Variants in AKAP12 observed in about 807,000 individuals in gnomAD.
The protein encoded by AKAP12 is A-kinase anchoring protein 12, also known as A-kinase anchor protein 12.
Under a neutral mutation model 79.9 loss-of-function variants are expected in AKAP12, and 32 were observed. The observed-to-expected ratio is 0.40, with a 90% CI of 0.30 to 0.54. The LOEUF (loss-of-function observed/expected upper bound fraction) is 0.54. AKAP12 is among the 20% of genes least tolerant of loss of function. AKAP12 has a pLI of 0.48. For missense variants in AKAP12, 2,074 were observed against 2,177.0 expected (o/e 0.95, Z 0.94); for synonymous variants, 808 against 857.0 (o/e 0.94, Z 1.00).
In AKAP12 at chr6:151,305,799, A is replaced by G; in HGVS notation, c.215A>G (p.Asp72Gly). The change falls in exon 3 of 5, where the codon GAT becomes GGT. Residue 72 changes from aspartate (D) to glycine (G), a missense_variant. By Grantham distance (94) the Asp-to-Gly change is moderately conservative (BLOSUM62 -1). Around this residue, in one of 3 missense-constraint regions of AKAP12, gnomAD observed 1,428 missense variants for 1,451.0 expected, o/e 0.98. Coordinates refer to ENST00000402676, the MANE Select transcript of AKAP12 (RefSeq NM_005100.4). Reference protein sequence around the residue: ...LSTINGVAEQDELSLQEGDLN... With the variant: ...LSTINGVAEQGELSLQEGDLN... ...ACCATCAATGGCGTAGCTGAGCAAG[A>G]TGAGCTCAGCCTCCAGGAGGGTGAC... The G allele has an allele frequency of 1.2e-6, 2 of 1,614,074 alleles. No individual in the cohort carries two copies. Among genetic ancestry groups the G allele is most frequent in the Non-Finnish European group, 1.7e-6 (2 of 1,179,976 alleles).
chr6:151,272,496 T>TAGAC (rs1373141596), intron 2 of AKAP12, among the ~76,000 whole-genome samples: 1 of 135,132 alleles, frequency 7.4e-6, no homozygotes, highest in Non-Finnish European at 1.6e-5. Context: ...CATGAGATGA[T>TAGAC]AGATAGATAG....
chr6:151,336,068 T>C (rs757044398), intron 3 of AKAP12, among the ~76,000 whole-genome samples: 12 of 152,230 alleles, frequency 7.9e-5, no homozygotes, highest in Non-Finnish European at 1.5e-5. Context: ...GGCCTCCAGA[T>C]CCTTCCATGT....
At chr6:151,280,038 G>GT (rs67349756) in intron 2 of AKAP12, among the ~76,000 whole-genome samples, 52,614 of 145,718 alleles carry the variant, frequency 0.36, 10,374 homozygotes, top group Non-Finnish European at 0.47. Flanking sequence ...TTCGGTTGTT[G>GT]TTTTTTTTTT....
At chr6:151,278,553 G>A (rs1383670531) in intron 2 of AKAP12, among the ~76,000 whole-genome samples, 3 of 151,968 alleles carry the variant, frequency 2.0e-5, no homozygotes, top group Non-Finnish European at 4.4e-5. Flanking sequence ...TCATAGCATC[G>A]TAAATCCAGT....
intron 2 of AKAP12, among the ~76,000 whole-genome samples, chr6:151,270,963 C>G (rs918300076): frequency 1.1e-4 from 16 of 152,150 alleles, no homozygotes; most frequent in African/African-American, 3.6e-4. Context: ...AATAACAGTT[C>G]TTAGAGTTCT....
At chr6:151,324,398 G>T in intron 3 of AKAP12, 1 of 985,292 alleles carries the variant, frequency 1.0e-6, no homozygotes, top group Non-Finnish European at 1.2e-6. Context: ...CTCTGGGCCC[G>T]AGTGTGGTGC....
In AKAP12 at chr6:151,357,695, G is replaced by GATAT. The variant is rs200061567; in HGVS notation, c.*1991_*1994dup. 1 of 140,898 alleles carries GATAT rather than the reference G, an allele frequency of 7.1e-6. No homozygotes were observed. Among genetic ancestry groups the GATAT allele is most frequent in the Admixed American group, 7.6e-5 (1 of 13,196 alleles). The allele number at this position is 140,898 out of a possible 1,614,324, so 8.7% of individuals were successfully genotyped here. A position where few individuals can be genotyped will look rare whatever the true frequency, so the allele number is the denominator to read the frequency against. On this transcript the variant is annotated 3_prime_UTR_variant, in exon 5 of 5. Coordinates refer to ENST00000402676, the MANE Select transcript of AKAP12 (RefSeq NM_005100.4). The stretch of plus-strand genomic sequence containing the variant: ...AAATCCCCAAATTCAAAAAACCTCT[G>GATAT]ATATATATATATAATTTTTTTTTTT...
chr6:151,329,093 A>G (rs1052280301), intron 3 of AKAP12, among the ~76,000 whole-genome samples: 2 of 150,742 alleles, frequency 1.3e-5, no homozygotes, highest in African/African-American at 4.9e-5. Context: ...TCCCCACTCA[A>G]CTGTAAATGG....
At chr6:151,324,322 G>A in intron 3 of AKAP12, 1 of 985,434 alleles carries the variant, frequency 1.0e-6, no homozygotes, top group South Asian at 4.7e-5. Flanking sequence ...GGCTTTTGGA[G>A]AGGCTGAAGC....
chr6:151,296,725 C>T (rs1381689568), intron 2 of AKAP12, among the ~76,000 whole-genome samples: 4 of 152,132 alleles, frequency 2.6e-5, no homozygotes, highest in African/African-American at 7.2e-5. Flanking sequence ...TGCAGTGAGC[C>T]GAGATCACGC....
chr6:151,240,356 CT>C (rs11314996), intron 1 of AKAP12, 27 bp from the exon 2 acceptor site: 57,775 of 360,630 alleles, frequency 0.16, 471 homozygotes, highest in East Asian at 0.19. Context: ...AAGAGGTGGC[CT>C]TTTTTTTTTT....
chr6:151,310,509 C>T (rs148000052), intron 3 of AKAP12, among the ~76,000 whole-genome samples: 64 of 152,212 alleles, frequency 4.2e-4, no homozygotes, highest in Non-Finnish European at 8.1e-4. Flanking sequence ...TTGGGGAGGT[C>T]GAGGCTGGGG....
chr6:151,280,882 C>A (rs1242229537), intron 2 of AKAP12, among the ~76,000 whole-genome samples: 1 of 152,142 alleles, frequency 6.6e-6, no homozygotes, highest in Non-Finnish European at 1.5e-5. Flanking sequence ...AATCATATTT[C>A]ACAAACCTTT....
At chr6:151,271,895 A>G (rs375188794) in intron 2 of AKAP12, among the ~76,000 whole-genome samples, 1 of 151,838 alleles carries the variant, frequency 6.6e-6, no homozygotes, top group East Asian at 1.9e-4. Flanking sequence ...CCTGACTGCA[A>G]ATGATCCACC....
intron 3 of AKAP12, among the ~76,000 whole-genome samples, chr6:151,331,655 G>C (rs1041030481): frequency 3.3e-5 from 5 of 152,132 alleles, no homozygotes; most frequent in African/African-American, 9.7e-5. Context: ...GGAGGCCGAG[G>C]TGGGTAGATC....
At position 151,350,133 on chromosome 6, in the gene AKAP12, A is replaced by G. The variant is rs1778236865; in HGVS notation, c.1742A>G (p.Lys581Arg). 6.2e-7 allele frequency: 1 copy of G among 1,613,984 alleles called. No individual in the cohort carries two copies. Among genetic ancestry groups the G allele is most frequent in the African/African-American group, 1.3e-5 (1 of 75,000 alleles). ...CCCGAGGAGATCACGTGTCTGGAAA[A>G]GGGCTTAGCCGAGGTGCAGCAGGAT... ...EEPEEITCLEKGLAEVQQDGE... is the reference protein window; with the variant it reads ...EEPEEITCLERGLAEVQQDGE... The change falls in exon 4 of 5, where the codon AAG becomes AGG. Residue 581 changes from lysine (K) to arginine (R), a missense_variant. Lys to Arg is a conservative substitution (Grantham distance 26). Coordinates refer to ENST00000402676, the MANE Select transcript of AKAP12 (RefSeq NM_005100.4). This position sits in a 1 kb window ranked among gnomAD's most constrained non-coding sequence, Gnocchi z 4.8.
intron 2 of AKAP12, among the ~76,000 whole-genome samples, chr6:151,278,599 T>G (rs1283718436): frequency 6.6e-6 from 1 of 152,194 alleles, no homozygotes; most frequent in Non-Finnish European, 1.5e-5. Flanking sequence ...GTTCTTTGAC[T>G]ACTGTTGTAT....
chr6:151,345,027 A>T (rs1172575006), intron 3 of AKAP12, among the ~76,000 whole-genome samples: 1 of 152,110 alleles, frequency 6.6e-6, no homozygotes. Flanking sequence ...ATATTTCTGC[A>T]TTTCAAGTAT....
intron 3 of AKAP12, among the ~76,000 whole-genome samples, chr6:151,312,097 ACTC>A (rs770983715): frequency 2.6e-5 from 4 of 151,568 alleles, no homozygotes; most frequent in African/African-American, 7.3e-5. Context: ...ACAGCCCTCC[ACTC>A]CTCCTTTCCT....
Sources: allele counts gnomAD v4.1 joint callset (sites outside exome capture counted in the v4.1 genomes callset), GRCh38; gene constraint gnomAD v4.1.1; regional missense constraint gnomAD v4.1.1; non-coding constraint Gnocchi (gnomAD v3.1); transcripts MANE v1.5; gene names NCBI Gene and HGNC (gene_info 2026-07-23, HGNC 2026-07-21).